The following ITPR2 variants were observed in gnomAD, a reference collection of about 807,000 sequenced individuals.
ITPR2 encodes inositol 1,4,5-trisphosphate receptor type 2.
In ITPR2, 207 loss-of-function variants were observed where a neutral mutation model predicts 317.1. That is an observed-to-expected ratio of 0.65 (90% CI 0.58 to 0.73). The LOEUF is 0.73. ITPR2 is among the 30% of genes least tolerant of loss of function. ITPR2 has a pLI of 0.00. For synonymous variants in ITPR2, 1,156 were observed against 1,149.1 expected (o/e 1.01, Z -0.12); for missense variants, 2,613 against 3,284.0 (o/e 0.80, Z 4.99).
intron 10 of ITPR2, among the ~76,000 whole-genome samples, chr12:26,694,802 A>T (rs1488747200): frequency 6.6e-6 from 1 of 152,236 alleles, no homozygotes; most frequent in Non-Finnish European, 1.5e-5. Flanking sequence ...TTAATCGAAT[A>T]AACCTACCTC....
chr12:26,695,724 C>A (rs1415760064), intron 9 of ITPR2, 74 bp from the exon 10 acceptor site: 17 of 841,890 alleles, frequency 2.0e-5, no homozygotes, highest in South Asian at 2.9e-5. Flanking sequence ...ATCTTCAATT[C>A]AATTAATATT....
chr12:26,605,008 A>G (rs1312691814), intron 26 of ITPR2, among the ~76,000 whole-genome samples: 3 of 151,484 alleles, frequency 2.0e-5, no homozygotes, highest in Non-Finnish European at 4.4e-5. Context: ...GAATCGCTTG[A>G]ACCTGAGAGG....
Position 26,624,214 on chromosome 12 carries a change from A to G in ITPR2, c.3122+85T>C. ...AGAGGGTCTAAAAATAAATAGATATAGAGTGAACAATATCAAAGTATCAAT... is the reference window on the plus strand; with the variant it reads ...AGAGGGTCTAAAAATAAATAGATATGGAGTGAACAATATCAAAGTATCAAT... On this transcript the variant is annotated intron_variant, in intron 24 of 56. Transcript: ENST00000381340. 2.2e-6 allele frequency: 2 copies of G among 917,646 alleles called. 1 individual carries two copies. Among genetic ancestry groups the G allele is most frequent in the South Asian group, 2.9e-5 (2 of 70,052 alleles). 56.8% of individuals were successfully genotyped at this position (917,646 alleles called of 1,614,324 possible). A position where few individuals can be genotyped will look rare whatever the true frequency, so the allele number is the denominator to read the frequency against.
chr12:26,632,492 C>T (rs1245144294), intron 21 of ITPR2, among the ~76,000 whole-genome samples: 6 of 152,182 alleles, frequency 3.9e-5, no homozygotes, highest in African/African-American at 7.2e-5. Flanking sequence ...ATATTGAATT[C>T]CAGCATCATA....
chr12:26,822,369 G>C (rs1273792501), intron 1 of ITPR2, among the ~76,000 whole-genome samples: 1 of 151,988 alleles, frequency 6.6e-6, no homozygotes, highest in Non-Finnish European at 1.5e-5. Flanking sequence ...TTTTTAACAT[G>C]TTAAAACACC....
intron 54 of ITPR2, among the ~76,000 whole-genome samples, chr12:26,388,805 G>C (rs1393539076): frequency 6.6e-6 from 1 of 152,280 alleles, no homozygotes; most frequent in East Asian, 1.9e-4. Flanking sequence ...TCTGCTGGCT[G>C]ATGGCTAGGC....
intron 23 of ITPR2, 127 bp downstream of exon 23, chr12:26,627,906 G>A: frequency 4.8e-6 from 4 of 825,736 alleles, no homozygotes; most frequent in Non-Finnish European, 5.5e-6. Context: ...ATGTATCCCA[G>A]AACTTAAAGT....
At chr12:26,689,087 A>T (rs556902049) in intron 10 of ITPR2, among the ~76,000 whole-genome samples, 5 of 152,296 alleles carry the variant, frequency 3.3e-5, no homozygotes, top group Admixed American at 2.6e-4. Flanking sequence ...GTGTATCAAA[A>T]CATCATGTTA....
intron 52 of ITPR2, among the ~76,000 whole-genome samples, chr12:26,405,134 CAA>C (rs35153198): frequency 4.4e-4 from 59 of 134,136 alleles, no homozygotes; most frequent in Admixed American, 7.9e-4. Flanking sequence ...AACTCTGTCT[CAA>C]AAAAAAAAAA....
intron 55 of ITPR2, among the ~76,000 whole-genome samples, chr12:26,342,497 T>C (rs111376924): frequency 1.9e-3 from 7 of 3,782 alleles, no homozygotes; most frequent in African/African-American, 5.1e-3. Flanking sequence ...GTCACGGCGG[T>C]GGGGGGGGGG....
chr12:26,775,206 A>G (rs1949937975), intron 2 of ITPR2, among the ~76,000 whole-genome samples: 1 of 152,210 alleles, frequency 6.6e-6, no homozygotes, highest in Non-Finnish European at 1.5e-5. Context: ...ACAGAATAAC[A>G]TGAAATGAGA....
At chr12:26,705,039 C>T (rs907629059) in intron 9 of ITPR2, among the ~76,000 whole-genome samples, 1 of 152,200 alleles carries the variant, frequency 6.6e-6, no homozygotes, top group Non-Finnish European at 1.5e-5. Flanking sequence ...CAATATCTAG[C>T]CGCACTGCTA....
chr12:26,622,567 G>C (rs933132099), intron 24 of ITPR2, among the ~76,000 whole-genome samples, 162 bp from the exon 25 acceptor site: 2 of 152,134 alleles, frequency 1.3e-5, no homozygotes, highest in African/African-American at 4.8e-5. Context: ...AACTGATGAG[G>C]AAACAATCAT....
At chr12:26,672,815 A>G (rs199659710) in intron 13 of ITPR2, among the ~76,000 whole-genome samples, 3 of 151,990 alleles carry the variant, frequency 2.0e-5, no homozygotes, top group Admixed American at 6.5e-5. Flanking sequence ...AGACTAATAA[A>G]GAAAAAAAGA....
intron 37 of ITPR2, among the ~76,000 whole-genome samples, chr12:26,497,263 C>T (rs1028706013): frequency 1.3e-5 from 2 of 151,148 alleles, no homozygotes; most frequent in Non-Finnish European, 2.9e-5. Context: ...ATGCCATTCT[C>T]CTGCCTCAGC....
intron 55 of ITPR2, among the ~76,000 whole-genome samples, chr12:26,362,952 G>A (rs1046092054): frequency 6.6e-6 from 1 of 152,128 alleles, no homozygotes; most frequent in Non-Finnish European, 1.5e-5. Context: ...CAAGACACAG[G>A]AAGAAAAACT....
At chr12:26,647,662 A>C (rs542627247) in intron 21 of ITPR2, among the ~76,000 whole-genome samples, 15 of 152,258 alleles carry the variant, frequency 9.9e-5, no homozygotes, top group Admixed American at 2.0e-4. Flanking sequence ...CTGTGCATTT[A>C]AAATCACTGA....
At chr12:26,825,755 AAT>A (rs1323048550) in intron 1 of ITPR2, among the ~76,000 whole-genome samples, 1 of 152,234 alleles carries the variant, frequency 6.6e-6, no homozygotes, top group African/African-American at 2.4e-5. Context: ...TTCAGCTTAA[AAT>A]ATACTTTATG....
At chr12:26,418,927 A>G (rs1356245639) in intron 50 of ITPR2, 122 bp downstream of exon 50, 2 of 793,898 alleles carry the variant, frequency 2.5e-6, no homozygotes, top group Non-Finnish European at 3.7e-6. Context: ...AATTCTAAAA[A>G]TAACATAATT....
Sources: allele counts gnomAD v4.1 joint callset (sites outside exome capture counted in the v4.1 genomes callset), GRCh38; gene constraint gnomAD v4.1.1; transcripts MANE v1.5; gene names NCBI Gene and HGNC (gene_info 2026-07-23, HGNC 2026-07-21).